Variants in TTLL12 observed in about 807,000 individuals in gnomAD.
The protein encoded by TTLL12 is tubulin--tyrosine ligase-like protein 12.
Under a neutral mutation model 79.6 loss-of-function variants are expected in TTLL12, and 77 were observed. That is an observed-to-expected ratio of 0.97 (90% CI 0.81 to 1.17). The LOEUF is 1.17. Among genes scored for constraint, TTLL12 ranks in the 50% most tolerant of loss-of-function variants. The pLI is 0.00. For synonymous variants in TTLL12, 437 were observed against 376.1 expected (o/e 1.16, Z -1.87); for missense variants, 969 against 895.9 (o/e 1.08, Z -1.04).
Position 43,180,861 on chromosome 22 carries a change from G to A in TTLL12, c.427C>T (p.His143Tyr), listed in dbSNP as rs765513728. 6.2e-6 allele frequency: 10 copies of A among 1,613,028 alleles called. No individual in the cohort carries two copies. The highest frequency in any genetic ancestry group is 1.7e-4 in the Middle Eastern group (1 of 6,058). Residue 143 changes from histidine (H) to tyrosine (Y), a missense_variant, in exon 3 of 14, where the codon CAC (histidine) becomes TAC (tyrosine). Physicochemically the swap from His to Tyr is moderately conservative, Grantham distance 83. Coordinates refer to ENST00000216129, the MANE Select transcript of TTLL12 (RefSeq NM_015140.4). ...ATGCCCATCAGGTTGGCCATGCGGT[G>A]CAGCAGCCCGGGCACCTGCTGCAGC... The part of the protein sequence containing the change: ...QQLQQVPGLL[H>Y]RMANLMGIEF...
rs1931685867 is a variant in TTLL12, at chr22:43,168,814, A to G, written c.1743T>C (p.Tyr581=). The G allele has an allele frequency of 1.3e-6, 2 of 1,584,548 alleles. No homozygotes were observed. The highest frequency in any genetic ancestry group is 1.7e-6 in the Non-Finnish European group (2 of 1,166,044). Residue 581 remains tyrosine, a synonymous_variant, in exon 13 of 14, where the codon TAT becomes TAC. Coordinates refer to ENST00000216129, the MANE Select transcript of TTLL12 (RefSeq NM_015140.4). ...CCCACTTCAGCATGAGGTCGACGGC[A>G]TACATGGCCCGGGATGAGGGGTAGT... ...LCDYPSSRAM[Y]AVDLMLKWDN...
At chr22:43,170,146 A>G (rs991970486) in intron 11 of TTLL12, 2 of 355,336 alleles carry the variant, frequency 5.6e-6, no homozygotes, top group African/African-American at 2.1e-5. Flanking sequence ...CCCGCCATCC[A>G]TGCCATGCTG....
rs1601764651 is a variant in TTLL12, at chr22:43,167,643, A to C, written c.*365T>G. 5.0e-6 allele frequency: 1 copy of C among 201,844 alleles called. No homozygotes were observed. 12.5% of individuals were successfully genotyped at this position (201,844 alleles called of 1,614,324 possible). A position where few individuals can be genotyped will look rare whatever the true frequency, so the allele number is the denominator to read the frequency against. On this transcript the variant is annotated 3_prime_UTR_variant, in exon 14 of 14. Coordinates refer to ENST00000216129, the MANE Select transcript of TTLL12 (RefSeq NM_015140.4). ...AGGACACCTTGTCTCGCTCCACGGA[A>C]CCCTTCCCCCAGCACCCCCTGGAAA...
Position 43,180,835 on chromosome 22 carries a change from A to C in TTLL12, c.453T>G (p.Ile151Met). 6.2e-7 allele frequency: 1 copy of C among 1,613,150 alleles called. No homozygotes were observed. The highest frequency in any genetic ancestry group is 8.5e-7 in the Non-Finnish European group (1 of 1,179,976). Residue 151 changes from isoleucine to methionine, a missense_variant, in exon 3 of 14, where the codon ATT becomes ATG. Transcript: ENST00000216129. The stretch of plus-strand genomic sequence containing the variant: ...TACTGGGCAGCTCACCGTGGAACTC[A>C]ATGCCCATCAGGTTGGCCATGCGGT... ...LLHRMANLMGIEFHGELPSTE... is the reference protein window; with the variant it reads ...LLHRMANLMGMEFHGELPSTE...
At chr22:43,185,643 C>T (rs74996899) in intron 1 of TTLL12, among the ~76,000 whole-genome samples, 2,256 of 152,302 alleles carry the variant, frequency 0.015, 56 homozygotes, top group African/African-American at 0.052. Context: ...TTTCTCATGC[C>T]ACCTCCCATC....
chr22:43,180,747 G>T lies in TTLL12; in HGVS notation c.541C>A (p.His181Asn). Residue 181 changes from histidine to asparagine, a missense_variant, in exon 3 of 14, where the codon CAT (histidine) becomes AAT (asparagine). Physicochemically the swap from His to Asn is moderately conservative, Grantham distance 68. Coordinates refer to ENST00000216129, the MANE Select transcript of TTLL12 (RefSeq NM_015140.4). The stretch of plus-strand genomic sequence containing the variant: ...GGGCCCAGCTACCCACTCACCCCAT[G>T]GGCCAGCTGGTAGGTCTGGTTGAAC... ...WKFNQTYQLA[H>N]GTAEEKMPVW... 6.2e-7 allele frequency: 1 copy of T among 1,613,002 alleles called. No homozygotes were observed. The highest frequency in any genetic ancestry group is 8.5e-7 in the Non-Finnish European group (1 of 1,179,950).
chr22:43,183,186 A>G (rs998862699), intron 1 of TTLL12, 37 bp from the exon 2 acceptor site: 3 of 1,609,090 alleles, frequency 1.9e-6, no homozygotes, highest in African/African-American at 2.7e-5. Flanking sequence ...GGGTGTGGGC[A>G]GGAGACCCCA....
chr22:43,169,002 C>G lies in TTLL12; in HGVS notation c.1645-90G>C, dbSNP rs747923723. ...GCCCCTGCCCAAGTCCCGGGCCCCA[C>G]GTGGCCCAAGTCACCCCCTCCCACA... is the stretch of plus-strand genomic sequence containing the variant. On this transcript the variant is annotated intron_variant, in intron 12 of 13. Transcript: ENST00000216129. 9 of 1,468,814 alleles carry G rather than the reference C, an allele frequency of 6.1e-6. No individual in the cohort carries two copies. In the African/African-American group the frequency reaches 1.1e-4, roughly 18 times the overall value. 91.0% of individuals were successfully genotyped at this position (1,468,814 alleles called of 1,614,324 possible).
At chr22:43,185,748 G>A (rs570343563) in intron 1 of TTLL12, among the ~76,000 whole-genome samples, 1 of 152,210 alleles carries the variant, frequency 6.6e-6, no homozygotes, top group African/African-American at 2.4e-5. Flanking sequence ...GAGGGAGGGC[G>A]TGCTGCCGTG....
intron 11 of TTLL12, chr22:43,170,013 AG>A: frequency 2.6e-6 from 1 of 385,092 alleles, no homozygotes; most frequent in Non-Finnish European, 5.2e-6. Context: ...CCAGCTCAAG[AG>A]TGCTTGAGGG....
intron 1 of TTLL12, among the ~76,000 whole-genome samples, chr22:43,186,342 G>A (rs1932186071): frequency 6.6e-6 from 1 of 152,228 alleles, no homozygotes; most frequent in South Asian, 2.1e-4. Context: ...AAAAGGGAGA[G>A]AACCTAGAGG....
At chr22:43,185,273 A>G (rs1437076907) in intron 1 of TTLL12, among the ~76,000 whole-genome samples, 7 of 55,038 alleles carry the variant, frequency 1.3e-4, no homozygotes, top group South Asian at 7.7e-4. Context: ...ATATATATAT[A>G]TATATATATA....
At chr22:43,177,381 A>T (rs76024025) in intron 5 of TTLL12, among the ~76,000 whole-genome samples, 5,215 of 152,086 alleles carry the variant, frequency 0.034, 200 homozygotes, top group South Asian at 0.095. Flanking sequence ...AAAAAATTAA[A>T]AAAAAAAAAA....
At chr22:43,186,639 G>C (rs1407221946) in intron 1 of TTLL12, among the ~76,000 whole-genome samples, 1 of 152,184 alleles carries the variant, frequency 6.6e-6, no homozygotes, top group Non-Finnish European at 1.5e-5. Context: ...GCTCGGGTGT[G>C]TGGAGGACCT....
Position 43,167,362 on chromosome 22 carries a change from C to A in TTLL12, c.*646G>T. 3.1e-6 allele frequency: 1 copy of A among 320,086 alleles called. No individual in the cohort carries two copies. Among genetic ancestry groups the A allele is most frequent in the South Asian group, 2.5e-5 (1 of 39,954 alleles). The allele number at this position is 320,086 out of a possible 1,614,324, so 19.8% of individuals were successfully genotyped here. ...GAAACGGTAACAAGACGGTGGCCTC[C>A]TGCCAGGACCTCAGCAGGAGGTTTG... On this transcript the variant is annotated 3_prime_UTR_variant, in exon 14 of 14. Coordinates refer to ENST00000216129, the MANE Select transcript of TTLL12 (RefSeq NM_015140.4).
chr22:43,173,849 G>T, intron 8 of TTLL12, 23 bp from the exon 9 acceptor site: 1 of 1,592,192 alleles, frequency 6.3e-7, no homozygotes. Flanking sequence ...AGGGCTGTCT[G>T]GGGGGCGCCT....
Position 43,187,107 on chromosome 22 carries a change from C to T in TTLL12, c.-38G>A, listed in dbSNP as rs546992730. 2.8e-6 allele frequency: 3 copies of T among 1,069,366 alleles called. No individual in the cohort carries two copies. Among genetic ancestry groups the T allele is most frequent in the East Asian group, 1.3e-4 (2 of 15,014 alleles). The allele number at this position is 1,069,366 out of a possible 1,614,324, so 66.2% of individuals were successfully genotyped here. On this transcript the variant is annotated 5_prime_UTR_variant, in exon 1 of 14. Coordinates refer to ENST00000216129, the MANE Select transcript of TTLL12 (RefSeq NM_015140.4). ...CGCGCCGACTCCAGCGCCGCCACCG[C>T]CGCCGCCGCCCGCCGTCCGTCGGCC... is the stretch of plus-strand genomic sequence containing the variant.
At position 43,179,655 on chromosome 22, in the gene TTLL12, G is replaced by C; in HGVS notation, c.804C>G (p.Ser268Arg). Residue 268 changes from serine (S) to arginine (R), a missense_variant, in exon 5 of 14, where the codon AGC becomes AGG. By Grantham distance (110) the Ser-to-Arg change is moderately radical (BLOSUM62 -1). Transcript: ENST00000216129. ...PWAPTDMLDL[S>R]SCTPEPPAEH... ...CGGCGGGCGGCTCGGGTGTGCAAGAGCTGAGGTCCAGCATGTCGGTGGGGG... is the reference window on the plus strand; with the variant it reads ...CGGCGGGCGGCTCGGGTGTGCAAGACCTGAGGTCCAGCATGTCGGTGGGGG... 1 of 1,586,078 alleles carries C rather than the reference G, an allele frequency of 6.3e-7. No individual in the cohort carries two copies. The highest frequency in any genetic ancestry group is 8.6e-7 in the Non-Finnish European group (1 of 1,166,220).
chr22:43,178,568 G>C (rs531051333), intron 5 of TTLL12, among the ~76,000 whole-genome samples: 1 of 152,066 alleles, frequency 6.6e-6, no homozygotes, highest in African/African-American at 2.4e-5. Flanking sequence ...TGATCCGCCC[G>C]CCTCAGCCTC....
Sources: allele counts gnomAD v4.1 joint callset (sites outside exome capture counted in the v4.1 genomes callset), GRCh38; gene constraint gnomAD v4.1.1; transcripts MANE v1.5; gene names NCBI Gene and HGNC (gene_info 2026-07-23, HGNC 2026-07-21).